C1QBP: variants seen among roughly 807,000 people sequenced by gnomAD.
The protein encoded by C1QBP is complement C1q binding protein.
A neutral mutation model predicts 29.4 loss-of-function variants in C1QBP; 24 were observed. That is an observed-to-expected ratio of 0.82 (90% CI 0.59 to 1.15). The LOEUF (loss-of-function observed/expected upper bound fraction) is 1.15, where lower values mean the gene tolerates loss of function less well. Ranked by LOEUF, C1QBP falls within the 50% of genes most tolerant of loss-of-function variation. The pLI, the probability that C1QBP is intolerant of heterozygous loss-of-function variation, is 0.00. For synonymous variants in C1QBP, 182 were observed against 149.2 expected, an observed-to-expected ratio of 1.22 and a Z score of -1.60; for missense variants, 337 against 355.8, an observed-to-expected ratio of 0.95 and a Z score of 0.43.
Position 5,432,793 on chromosome 17 carries a change from A to C in C1QBP, c.*222T>G. On this transcript the variant is annotated 3_prime_UTR_variant, in exon 6 of 6. Transcript: ENST00000225698. Reference sequence around the variant, plus strand: ...CAAACTGCCTTGGAGGAGATAAACCAATTTTATGTCTATCATGTTATACAA... The same window carrying C: ...CAAACTGCCTTGGAGGAGATAAACCCATTTTATGTCTATCATGTTATACAA... 1 of 794,316 alleles carries C rather than the reference A, an allele frequency of 1.3e-6. No individual in the cohort carries two copies. Among genetic ancestry groups the C allele is most frequent in the East Asian group, 2.7e-5 (1 of 36,372 alleles). 49.2% of individuals were successfully genotyped at this position (794,316 alleles called of 1,614,324 possible).
At chr17:5,433,895 T>C (rs531774395) in intron 3 of C1QBP, 128 bp from the exon 4 acceptor site, 79 of 797,466 alleles carry the variant, frequency 9.9e-5, no homozygotes, top group Admixed American at 6.5e-4. Flanking sequence ...AATAGTCTTA[T>C]GCCATACTAT....
intron 2 of C1QBP, among the ~76,000 whole-genome samples, chr17:5,436,745 C>G (rs990125272): frequency 6.6e-6 from 1 of 152,122 alleles, no homozygotes; most frequent in South Asian, 2.1e-4. Flanking sequence ...ATAGGGTGGG[C>G]AGGGTGGCTC....
chr17:5,433,207 G>C lies in C1QBP; in HGVS notation c.700-43C>G. On this transcript the variant is annotated intron_variant, in intron 5 of 5. Transcript: ENST00000225698. ...TACTAGTTAAAAAAAAATCTGTAATGAACATTAAAATGCTTTTTTCTCCCC... is the reference window on the plus strand; with the variant it reads ...TACTAGTTAAAAAAAAATCTGTAATCAACATTAAAATGCTTTTTTCTCCCC... 1.9e-6 allele frequency: 3 copies of C among 1,609,234 alleles called. No individual in the cohort carries two copies. The South Asian group carries it at 3.3e-5, about 18-fold the overall frequency.
rs1352805858 is a variant in C1QBP, at chr17:5,432,804, T to TATCA, written c.*207_*210dup. 3 of 820,300 alleles carry TATCA rather than the reference T, an allele frequency of 3.7e-6. No individual in the cohort carries two copies. The highest frequency in any genetic ancestry group is 5.4e-6 in the Non-Finnish European group (3 of 553,604). 50.8% of individuals were successfully genotyped at this position (820,300 alleles called of 1,614,324 possible). A position where few individuals can be genotyped will look rare whatever the true frequency, so the allele number is the denominator to read the frequency against. On this transcript the variant is annotated 3_prime_UTR_variant, in exon 6 of 6. Transcript: ENST00000225698. ...GGAGGAGATAAACCAATTTTATGTCTATCATGTTATACAAAAATCTAGAAA... is the reference window on the plus strand; with the variant it reads ...GGAGGAGATAAACCAATTTTATGTCTATCAATCATGTTATACAAAAATCTAGAAA...
At chr17:5,434,823 G>C (rs748589339) in intron 3 of C1QBP, 50 bp downstream of exon 3, 16 of 1,537,852 alleles carry the variant, frequency 1.0e-5, no homozygotes, top group Middle Eastern at 1.7e-4. Context: ...CTAAGCCCCA[G>C]GCACAGCCTG....
intron 1 of C1QBP, 33 bp from the exon 2 acceptor site, chr17:5,438,306 A>T: frequency 6.2e-7 from 1 of 1,607,494 alleles, no homozygotes; most frequent in Non-Finnish European, 8.5e-7. Flanking sequence ...TAAAAAGGAA[A>T]GCCAGTTAGT....
intron 2 of C1QBP, among the ~76,000 whole-genome samples, chr17:5,436,820 C>T (rs770803781): frequency 1.4e-4 from 21 of 152,298 alleles, no homozygotes; most frequent in Admixed American, 4.6e-4. Context: ...GACTTTGAGA[C>T]CAGCCTGGCC....
chr17:5,436,763 A>G (rs777123566), intron 2 of C1QBP, among the ~76,000 whole-genome samples: 1 of 152,104 alleles, frequency 6.6e-6, no homozygotes, highest in African/African-American at 2.4e-5. Flanking sequence ...CTCACACCTG[A>G]AATCCCAGCA....
rs909134051 is a variant in C1QBP at position 5,433,500 on chromosome 17, A to T, written c.577-85T>A. On this transcript the variant is annotated intron_variant, in intron 4 of 5. Coordinates refer to ENST00000225698, the MANE Select transcript of C1QBP (RefSeq NM_001212.4). The stretch of plus-strand genomic sequence containing the variant: ...AAGAAAGGGGGCCACTGACAGCATG[A>T]AACTCATCAGGTTTTAACCCTCTTC... 4 of 1,579,362 alleles carry T rather than the reference A, an allele frequency of 2.5e-6. No individual in the cohort carries two copies. The African/African-American group carries it at 4.1e-5, about 16-fold the overall frequency.
chr17:5,434,791 A>T, intron 3 of C1QBP, 82 bp downstream of exon 3: 1 of 1,297,014 alleles, frequency 7.7e-7, no homozygotes, highest in Non-Finnish European at 1.1e-6. Flanking sequence ...TTTTTGAAAG[A>T]CCAAAGAAAA....
rs1233261911 is a variant in C1QBP, at chr17:5,433,765, A to G, written c.480T>C (p.Pro160=). The change falls in exon 4 of 6, where the codon CCT becomes CCC. Residue 160 remains proline, a splice_region_variant and synonymous_variant. Coordinates refer to ENST00000225698, the MANE Select transcript of C1QBP (RefSeq NM_001212.4). Reference sequence around the variant, plus strand: ...CGAAATTGGGAGTTGATGTCAGTTCAGGCTGGGGAAACAAGAAGTCAATAC... The same window carrying G: ...CGAAATTGGGAGTTGATGTCAGTTCGGGCTGGGGAAACAAGAAGTCAATAC... ...SQGQKVEEQE[P]ELTSTPNFVV... The G allele has an allele frequency of 1.9e-6, 3 of 1,613,888 alleles. No homozygotes were observed. In the African/African-American group the frequency reaches 4.0e-5, roughly 22 times the overall value.
chr17:5,436,655 G>A (rs1348850212), intron 2 of C1QBP, among the ~76,000 whole-genome samples: 1 of 151,672 alleles, frequency 6.6e-6, no homozygotes, highest in Non-Finnish European at 1.5e-5. Flanking sequence ...ATGGGAAACA[G>A]TACTTACAAA....
rs764257064 is a variant in C1QBP, at chr17:5,433,129, G to A, written c.735C>T (p.Asp245=). Residue 245 remains aspartate (D), a synonymous_variant, in exon 6 of 6, where the codon GAC becomes GAT. Coordinates refer to ENST00000225698, the MANE Select transcript of C1QBP (RefSeq NM_001212.4). ...LYDHLMDFLA[D]RGVDNTFADE... is the part of the protein sequence containing the mutation. ...CTGCAAAAGTGTTGTCCACCCCTCGGTCGGCAAGGAAATCCATTAGGTGGT... is the reference window on the plus strand; with the variant it reads ...CTGCAAAAGTGTTGTCCACCCCTCGATCGGCAAGGAAATCCATTAGGTGGT... 1 of 1,614,038 alleles carries A rather than the reference G, an allele frequency of 6.2e-7. No individual in the cohort carries two copies. Among genetic ancestry groups the A allele is most frequent in the Non-Finnish European group, 8.5e-7 (1 of 1,180,012 alleles).
chr17:5,433,545 C>A, intron 4 of C1QBP, 124 bp downstream of exon 4: 4 of 1,511,030 alleles, frequency 2.6e-6, no homozygotes, highest in Non-Finnish European at 3.7e-6. Context: ...CCACCTCTCT[C>A]CCCCTGCTGG....
chr17:5,434,076 G>T, intron 3 of C1QBP: 1 of 354,536 alleles, frequency 2.8e-6, no homozygotes. Context: ...ACACTGCAAA[G>T]CTTTCCTAAA....
At chr17:5,433,225 T>C in intron 5 of C1QBP, 61 bp from the exon 6 acceptor site, 2 of 1,609,880 alleles carry the variant, frequency 1.2e-6, no homozygotes, top group Admixed American at 3.4e-5. Flanking sequence ...AAATGCTTTT[T>C]TCTCCCCTTG....
chr17:5,433,602 C>T, intron 4 of C1QBP, 67 bp downstream of exon 4: 1 of 1,559,372 alleles, frequency 6.4e-7, no homozygotes, highest in African/African-American at 1.4e-5. Context: ...AAAATAGGGA[C>T]AGGAAGTTCC....
intron 2 of C1QBP, among the ~76,000 whole-genome samples, 193 bp from the exon 3 acceptor site, chr17:5,435,159 A>T (rs762861494): frequency 5.9e-5 from 9 of 152,246 alleles, no homozygotes; most frequent in Non-Finnish European, 1.0e-4. Context: ...TGAGTGACTC[A>T]GCAGGTCTGA....
intron 2 of C1QBP, among the ~76,000 whole-genome samples, chr17:5,435,352 C>G (rs572538146): frequency 6.6e-6 from 1 of 151,060 alleles, no homozygotes; most frequent in Admixed American, 6.6e-5. Context: ...TCCAGGGAAC[C>G]CTTGGTCAAA....
Sources: gnomAD v4.1 joint callset for allele counts (sites outside exome capture counted in the v4.1 genomes callset) on GRCh38, gnomAD v4.1.1 for gene constraint, MANE v1.5 for transcripts, NCBI Gene and HGNC (gene_info 2026-07-23, HGNC 2026-07-21) for gene names.